DACH2: variants seen among roughly 807,000 people sequenced by gnomAD.
DACH2 encodes dachshund family transcription factor 2.
DACH2 carries 17 observed loss-of-function variants against 35.8 expected under a neutral mutation model. The observed-to-expected ratio is 0.48, with a 90% CI of 0.33 to 0.71. DACH2 has a LOEUF of 0.71. Ranked by LOEUF, DACH2 falls within the 30% of genes least tolerant of loss-of-function variation. The probability of loss-of-function intolerance (pLI) is 0.02; values close to 1 mark genes in which losing one functional copy is unlikely to be tolerated. For synonymous variants in DACH2, 195 were observed against 177.3 expected (o/e 1.10, Z -0.79); for missense variants, 469 against 472.7 (o/e 0.99, Z 0.07).
chrX:86,294,316 T>C (rs981392361), intron 1 of DACH2, among the ~76,000 whole-genome samples: 2 of 110,650 alleles, frequency 1.8e-5, no homozygotes, highest in African/African-American at 6.6e-5. Context: ...ATTCTAGTTA[T>C]ACATTCTTCT....
intron 7 of DACH2, among the ~76,000 whole-genome samples, chrX:86,791,923 T>A (rs893761910): frequency 4.5e-5 from 5 of 112,092 alleles, no homozygotes; most frequent in African/African-American, 1.6e-4. Flanking sequence ...ACAGATTATT[T>A]GATTACTGAT....
chrX:86,477,160 T>C (rs996824558), intron 2 of DACH2, among the ~76,000 whole-genome samples: 2 of 109,337 alleles, frequency 1.8e-5, no homozygotes, highest in African/African-American at 6.6e-5. Context: ...ATTAGGTTTA[T>C]TTGGTCTATA....
At chrX:86,635,704 A>C (rs1416199909) in intron 3 of DACH2, among the ~76,000 whole-genome samples, 1 of 111,887 alleles carries the variant, frequency 8.9e-6, no homozygotes, top group Non-Finnish European at 1.9e-5. Context: ...AAATCAATGC[A>C]TAAAAATTAC....
intron 1 of DACH2, among the ~76,000 whole-genome samples, chrX:86,176,529 T>C (rs1242470226): frequency 9.0e-6 from 1 of 111,310 alleles, no homozygotes; most frequent in African/African-American, 3.3e-5. Flanking sequence ...TCAATGTATC[T>C]AAAATTTTGT....
At chrX:86,587,026 T>C (rs2039580790) in intron 3 of DACH2, among the ~76,000 whole-genome samples, 4 of 112,250 alleles carry the variant, frequency 3.6e-5, no homozygotes, top group African/African-American at 1.3e-4. Flanking sequence ...TTAACAATAT[T>C]GATTCTTCCT....
intron 1 of DACH2, among the ~76,000 whole-genome samples, chrX:86,298,781 A>G (rs1336965369): frequency 8.9e-6 from 1 of 112,164 alleles, no homozygotes; most frequent in Non-Finnish European, 1.9e-5. Flanking sequence ...AACTTGTAAA[A>G]TGATGGCAAA....
chrX:86,154,660 C>T (rs778216628), intron 1 of DACH2, among the ~76,000 whole-genome samples: 2 of 111,490 alleles, frequency 1.8e-5, no homozygotes, highest in Admixed American at 1.9e-4. Context: ...TTTCACCAAG[C>T]GGCTCTGTGA....
At chrX:86,340,260 T>C (rs1380408800) in intron 1 of DACH2, among the ~76,000 whole-genome samples, 1 of 111,403 alleles carries the variant, frequency 9.0e-6, no homozygotes, top group East Asian at 2.8e-4. Context: ...TTTTCCAACA[T>C]CTTGTGTTCA....
rs550215338 is a variant in DACH2 at position 86,430,207 on chromosome X, C to T, written c.527+53345C>T. Among the ~76,000 whole-genome samples the T allele has an allele frequency of 1.1e-4, 12 of 112,048 alleles. No homozygotes were observed. The South Asian group carries it at 3.7e-3, about 34-fold the overall frequency. On this transcript the variant is annotated intron_variant, in intron 2 of 11. Coordinates refer to ENST00000373125, the MANE Select transcript of DACH2 (RefSeq NM_053281.3). ...TGTATTACAGTCTTGTATTGTGAAG[C>T]TTTAAACCTGAGGTATTTAACATGA...
intron 7 of DACH2, chrX:86,798,910 A>G (rs142490123): frequency 5.9e-4 from 97 of 164,740 alleles, no homozygotes; most frequent in Non-Finnish European, 2.9e-4. Flanking sequence ...AAGTGCTTCC[A>G]TAATTGACTG....
At chrX:86,398,479 G>C (rs1167524890) in intron 2 of DACH2, among the ~76,000 whole-genome samples, 1 of 111,957 alleles carries the variant, frequency 8.9e-6, no homozygotes, top group Non-Finnish European at 1.9e-5. Context: ...TAATTGTGAT[G>C]TTAGGGTGTC....
chrX:86,789,449 G>T (rs1051587658), intron 7 of DACH2, among the ~76,000 whole-genome samples: 1 of 111,828 alleles, frequency 8.9e-6, no homozygotes, highest in Non-Finnish European at 1.9e-5. Context: ...AAACCCAAAA[G>T]GTTGCATCTG....
At chrX:86,642,150 AG>A (rs780580971) in intron 3 of DACH2, among the ~76,000 whole-genome samples, 108 of 111,883 alleles carry the variant, frequency 9.7e-4, no homozygotes, top group Admixed American at 1.8e-3. Context: ...CCCACTTAAA[AG>A]GTACATAGTG....
intron 2 of DACH2, among the ~76,000 whole-genome samples, chrX:86,444,019 C>G (rs2037216496): frequency 9.0e-6 from 1 of 111,413 alleles, no homozygotes; most frequent in South Asian, 3.7e-4. Flanking sequence ...TAGAGTGATT[C>G]TGGAAATACT....
chrX:86,610,362 CCTCTTTCTTT>C (rs1569452238), intron 3 of DACH2, among the ~76,000 whole-genome samples: 1 of 75,647 alleles, frequency 1.3e-5, no homozygotes, highest in Admixed American at 1.6e-4. Context: ...TTCCTTCCTT[CCTCTTTCTTT>C]CTTTCTTTCT....
At chrX:86,478,543 T>C (rs1003541053) in intron 2 of DACH2, among the ~76,000 whole-genome samples, 2 of 73,078 alleles carry the variant, frequency 2.7e-5, no homozygotes, top group Non-Finnish European at 6.0e-5. Flanking sequence ...TTTGTTTTTC[T>C]TTTTTTTTTT....
At chrX:86,771,819 T>C (rs1211299528) in intron 7 of DACH2, among the ~76,000 whole-genome samples, 1 of 112,068 alleles carries the variant, frequency 8.9e-6, no homozygotes, top group Non-Finnish European at 1.9e-5. Context: ...CTTATACACA[T>C]AGCTTAGGTA....
chrX:86,401,691 AG>A (rs1393813260), intron 2 of DACH2, among the ~76,000 whole-genome samples: 1 of 107,302 alleles, frequency 9.3e-6, no homozygotes, highest in African/African-American at 3.5e-5. Flanking sequence ...GGTAAGTGAA[AG>A]GTAGTTAAAC....
chrX:86,446,232 T>G (rs1281567777), intron 2 of DACH2, among the ~76,000 whole-genome samples: 1 of 110,186 alleles, frequency 9.1e-6, no homozygotes, highest in Non-Finnish European at 1.9e-5. Flanking sequence ...CAGGCTATGT[T>G]TGTCCTTACC....
Sources: allele counts gnomAD v4.1 joint callset (sites outside exome capture counted in the v4.1 genomes callset), GRCh38; gene constraint gnomAD v4.1.1; transcripts MANE v1.5; gene names NCBI Gene and HGNC (gene_info 2026-07-23, HGNC 2026-07-21).